C12orf54: variants seen among roughly 807,000 people sequenced by gnomAD.
C12orf54 encodes chromosome 12 open reading frame 54.
C12orf54 carries 24 observed loss-of-function variants against 26.4 expected under a neutral mutation model. The observed-to-expected ratio is 0.91, with a 90% CI of 0.66 to 1.28. The LOEUF (loss-of-function observed/expected upper bound fraction) is 1.28. Ranked by LOEUF, C12orf54 falls within the 50% of genes most tolerant of loss-of-function variation. The pLI, the probability that C12orf54 is intolerant of heterozygous loss-of-function variation, is 0.00. For missense variants in C12orf54, 154 were observed against 150.9 expected (o/e 1.02, Z -0.11); for synonymous variants, 54 against 47.0 (o/e 1.15, Z -0.61).
intron 5 of C12orf54, among the ~76,000 whole-genome samples, chr12:48,489,523 T>G (rs1312168114): frequency 6.6e-6 from 1 of 152,032 alleles, no homozygotes; most frequent in Non-Finnish European, 1.5e-5. Context: ...GCTCCCGGGT[T>G]CAAGTGAATC....
At chr12:48,464,956 A>G in the C12orf54 span, among the ~76,000 whole-genome samples, 2 of 152,188 alleles carry the variant, frequency 1.3e-5, no homozygotes, top group Admixed American at 6.5e-5. Flanking sequence ...CCAAAACTAT[A>G]AAAGCCTTGT....
intron 2 of C12orf54, 35 bp downstream of exon 2, chr12:48,483,396 A>C (rs1276565384): frequency 6.3e-7 from 1 of 1,598,286 alleles, no homozygotes; most frequent in Non-Finnish European, 8.6e-7. Flanking sequence ...AAACATCCTT[A>C]GATTGCTATA....
At chr12:48,463,435 G>A in the C12orf54 span, among the ~76,000 whole-genome samples, 33 of 151,846 alleles carry the variant, frequency 2.2e-4, no homozygotes, top group East Asian at 6.4e-3. Context: ...GTAATAAATA[G>A]CCTACCAACT....
chr12:48,490,973 C>A (rs2731103), intron 6 of C12orf54, 137 bp downstream of exon 6: 359,442 of 1,050,378 alleles, frequency 0.34, 63,649 homozygotes, highest in African/African-American at 0.36. Context: ...CAAAGTCTCA[C>A]CCTAGGATCT....
the C12orf54 span, among the ~76,000 whole-genome samples, chr12:48,467,046 G>T: frequency 6.6e-6 from 1 of 152,052 alleles, no homozygotes; most frequent in African/African-American, 2.4e-5. Context: ...GACTTTATTT[G>T]GGAAAATGGT....
chr12:48,488,881 T>A (rs762558725), intron 4 of C12orf54, 43 bp from the exon 5 acceptor site: 1 of 1,484,452 alleles, frequency 6.7e-7, no homozygotes, highest in Non-Finnish European at 9.4e-7. Context: ...AATAAAGTGA[T>A]CATCTACAAT....
At chr12:48,423,881 A>G in the C12orf54 span, among the ~76,000 whole-genome samples, 3 of 152,188 alleles carry the variant, frequency 2.0e-5, no homozygotes, top group South Asian at 6.2e-4. Flanking sequence ...CTTGAATAGA[A>G]GTGGTGAAAG....
chr12:48,418,000 T>C, the C12orf54 span, among the ~76,000 whole-genome samples: 12 of 152,318 alleles, frequency 7.9e-5, no homozygotes, highest in East Asian at 2.3e-3. Context: ...GGCACCTAGG[T>C]TGATTCCATG....
the C12orf54 span, among the ~76,000 whole-genome samples, chr12:48,458,389 T>C: frequency 6.6e-6 from 1 of 152,204 alleles, no homozygotes; most frequent in African/African-American, 2.4e-5. Flanking sequence ...TGGAATTTTA[T>C]TATCGGGGTG....
the C12orf54 span, among the ~76,000 whole-genome samples, chr12:48,454,768 A>G: frequency 6.6e-6 from 1 of 152,236 alleles, no homozygotes; most frequent in Non-Finnish European, 1.5e-5. Flanking sequence ...GGGTAACTAT[A>G]GTAACTTAGT....
At chr12:48,451,740 A>G in the C12orf54 span, among the ~76,000 whole-genome samples, 6 of 152,166 alleles carry the variant, frequency 3.9e-5, no homozygotes, top group African/African-American at 1.4e-4. Context: ...CCCATTCACA[A>G]TTGCCATAAT....
At chr12:48,445,702 C>G in the C12orf54 span, among the ~76,000 whole-genome samples, 2 of 152,182 alleles carry the variant, frequency 1.3e-5, no homozygotes, top group South Asian at 4.1e-4. Context: ...ACAACGGAAT[C>G]AAGCAATAAC....
At chr12:48,433,568 C>T in the C12orf54 span, among the ~76,000 whole-genome samples, 1 of 152,022 alleles carries the variant, frequency 6.6e-6, no homozygotes, top group Admixed American at 6.6e-5. Flanking sequence ...CTGCCTCAGC[C>T]TCCTGAGTAG....
the C12orf54 span, among the ~76,000 whole-genome samples, chr12:48,453,848 C>T: frequency 5.9e-5 from 9 of 151,600 alleles, no homozygotes; most frequent in Non-Finnish European, 1.3e-4. Context: ...TACATGTAAT[C>T]GTTCACAGCT....
chr12:48,469,734 T>G, the C12orf54 span, among the ~76,000 whole-genome samples: 1 of 152,166 alleles, frequency 6.6e-6, no homozygotes, highest in Non-Finnish European at 1.5e-5. Context: ...TGTAAGAAAT[T>G]ACAAAAGTAT....
the C12orf54 span, among the ~76,000 whole-genome samples, chr12:48,461,785 A>G: frequency 6.6e-6 from 1 of 151,886 alleles, no homozygotes; most frequent in African/African-American, 2.4e-5. Flanking sequence ...ATGTCTGCAT[A>G]AGAAATTAAA....
chr12:48,438,867 A>C, the C12orf54 span, among the ~76,000 whole-genome samples: 2 of 152,180 alleles, frequency 1.3e-5, no homozygotes, highest in Non-Finnish European at 2.9e-5. Flanking sequence ...TGTCTAAAAC[A>C]CCAAAAGCAA....
At chr12:48,493,572 G>C (rs554351547) in intron 7 of C12orf54, among the ~76,000 whole-genome samples, 1 of 145,180 alleles carries the variant, frequency 6.9e-6, no homozygotes, top group Admixed American at 7.0e-5. Flanking sequence ...AGTGAGCCAT[G>C]ATCATGCCAC....
intron 7 of C12orf54, 61 bp from the exon 8 acceptor site, chr12:48,494,737 G>A: frequency 6.5e-7 from 1 of 1,547,384 alleles, no homozygotes; most frequent in Non-Finnish European, 8.9e-7. Flanking sequence ...AGGCCAGGAA[G>A]GGAACTGAAA....
Sources: gnomAD v4.1 joint callset for allele counts (sites outside exome capture counted in the v4.1 genomes callset) on GRCh38, gnomAD v4.1.1 for gene constraint, MANE v1.5 for transcripts, NCBI Gene and HGNC (gene_info 2026-07-23, HGNC 2026-07-21) for gene names.